The following CECR2 variants were observed in gnomAD, a reference collection of about 807,000 sequenced individuals.
The protein encoded by CECR2 is CECR2 histone acetyl-lysine reader.
A neutral mutation model predicts 154.5 loss-of-function variants in CECR2; 30 were observed. That is an observed-to-expected ratio of 0.19 (90% CI 0.15 to 0.26). CECR2 has a LOEUF of 0.26. Ranked by LOEUF, CECR2 falls within the 10% of genes least tolerant of loss-of-function variation. The probability of loss-of-function intolerance (pLI) is 1.00; values close to 1 mark genes in which losing one functional copy is unlikely to be tolerated. For missense variants in CECR2, 1,743 were observed against 1,829.3 expected, an observed-to-expected ratio of 0.95 and a Z score of 0.86; for synonymous variants, 725 against 683.7, an observed-to-expected ratio of 1.06 and a Z score of -0.94.
intron 1 of CECR2, among the ~76,000 whole-genome samples, chr22:17,462,828 C>G (rs984933616): frequency 3.9e-5 from 6 of 152,124 alleles, no homozygotes; most frequent in African/African-American, 1.4e-4. Context: ...CAGAGAATTG[C>G]TTGAACCTGG....
At chr22:17,427,098 A>C (rs1349455638) in intron 1 of CECR2, among the ~76,000 whole-genome samples, 2 of 151,628 alleles carry the variant, frequency 1.3e-5, no homozygotes, top group Non-Finnish European at 2.9e-5. Flanking sequence ...CCTAAGAGTG[A>C]GAATATGCAG....
At chr22:17,381,976 C>T (rs1320369140) in intron 1 of CECR2, among the ~76,000 whole-genome samples, 1 of 151,968 alleles carries the variant, frequency 6.6e-6, no homozygotes, top group South Asian at 2.1e-4. Flanking sequence ...CGAGCTCCGC[C>T]TCCTGGGTTC....
chr22:17,378,190 A>G lies in CECR2; in HGVS notation c.126+8281A>G, dbSNP rs548865983. Among the ~76,000 whole-genome samples, 7 of 151,108 alleles carry G rather than the reference A, an allele frequency of 4.6e-5. No individual in the cohort carries two copies. The East Asian group carries it at 9.7e-4, about 21-fold the overall frequency. On this transcript the variant is annotated intron_variant, in intron 1 of 18. Coordinates refer to ENST00000262608, the MANE Select transcript of CECR2 (RefSeq NM_001290047.2). ...AGTAGAGACGGGGTTTCACCGTGTTAGCCAGGATGGTCTGGATCTCCTAAC... is the reference window on the plus strand; with the variant it reads ...AGTAGAGACGGGGTTTCACCGTGTTGGCCAGGATGGTCTGGATCTCCTAAC...
At position 17,508,275 on chromosome 22, in the gene CECR2, T is replaced by C. The variant is rs1305905947; in HGVS notation, c.870+3259T>C. 5.3e-5 allele frequency among the ~76,000 whole-genome samples: 8 copies of C among 152,076 alleles called. No individual in the cohort carries two copies. The South Asian group carries it at 1.0e-3, about 20-fold the overall frequency. ...ATTGTGTTTACAAGGTCTACAGCAG[T>C]GTACTGTAATGTCCTAACCTTCACA... On this transcript the variant is annotated intron_variant, in intron 7 of 18. Transcript: ENST00000262608.
Position 17,550,411 on chromosome 22 carries a change from T to TA in CECR2, c.4277+864dup, listed in dbSNP as rs66840782. 451 of 135,116 alleles carry TA rather than the reference T, an allele frequency of 3.3e-3. 2 individuals carry two copies. Among genetic ancestry groups the TA allele is most frequent in the African/African-American group, 5.6e-3 (207 of 36,996 alleles). The allele number at this position is 135,116 out of a possible 1,614,324, so 8.4% of individuals were successfully genotyped here. Reference sequence around the variant, plus strand: ...CCATGTGGAGACACTCTGACCAAGGTAAAAAAAAAAAAAAAAATAGGCCTA... The same window carrying TA: ...CCATGTGGAGACACTCTGACCAAGGTAAAAAAAAAAAAAAAAAATAGGCCTA... On this transcript the variant is annotated intron_variant, in intron 17 of 18. Coordinates refer to ENST00000262608, the MANE Select transcript of CECR2 (RefSeq NM_001290047.2).
chr22:17,504,793 A>G, intron 6 of CECR2, 54 bp from the exon 7 acceptor site: 3 of 1,498,454 alleles, frequency 2.0e-6, no homozygotes, highest in South Asian at 1.2e-5. Context: ...GAGAATAAAT[A>G]AGGAAAGGTC....
intron 1 of CECR2, among the ~76,000 whole-genome samples, chr22:17,403,857 CTG>C (rs2053933507): frequency 6.6e-6 from 1 of 152,062 alleles, no homozygotes; most frequent in South Asian, 2.1e-4. Context: ...CCATTTAAGT[CTG>C]TGCTTCATTT....
At chr22:17,464,179 G>C (rs1402044129) in intron 1 of CECR2, among the ~76,000 whole-genome samples, 2 of 152,304 alleles carry the variant, frequency 1.3e-5, no homozygotes, top group South Asian at 4.1e-4. Context: ...TCATTTTAAT[G>C]AAGTTTCACT....
At chr22:17,543,131 T>C in intron 16 of CECR2, 128 bp downstream of exon 16, 1 of 1,150,618 alleles carries the variant, frequency 8.7e-7, no homozygotes, top group South Asian at 1.7e-5. Flanking sequence ...TGGTTTTGTT[T>C]TGTTCTGTTT....
intron 1 of CECR2, among the ~76,000 whole-genome samples, chr22:17,468,267 G>C (rs2055066945): frequency 1.3e-5 from 2 of 152,182 alleles, no homozygotes; most frequent in African/African-American, 4.8e-5. Context: ...GGGGATACTA[G>C]GGAATAAAAG....
At chr22:17,366,223 T>G (rs2063001177), upstream of CECR2, among the ~76,000 whole-genome samples, 1 of 152,130 alleles carries the variant, frequency 6.6e-6, no homozygotes, top group African/African-American at 2.4e-5. Flanking sequence ...TGAGTCTCAC[T>G]CTGTCGCTAG....
chr22:17,494,632 A>C (rs174289), intron 2 of CECR2, among the ~76,000 whole-genome samples: 79,112 of 152,128 alleles, frequency 0.52, 20,791 homozygotes, highest in Middle Eastern at 0.68. Context: ...TGTTTTCCCC[A>C]GTGAGATAGT....
At chr22:17,378,388 C>T (rs2063145910) in intron 1 of CECR2, among the ~76,000 whole-genome samples, 1 of 150,894 alleles carries the variant, frequency 6.6e-6, no homozygotes, top group Non-Finnish European at 1.5e-5. Context: ...CCTCTGCCTC[C>T]CGGGTTCACA....
At chr22:17,478,315 A>G (rs5747196) in intron 2 of CECR2, among the ~76,000 whole-genome samples, 11,336 of 148,632 alleles carry the variant, frequency 0.076, 571 homozygotes, top group South Asian at 0.23. Context: ...TTGAGTTGTT[A>G]TGGTTTGCCT....
chr22:17,513,192 A>C (rs892663943), intron 8 of CECR2, among the ~76,000 whole-genome samples: 1 of 152,198 alleles, frequency 6.6e-6, no homozygotes, highest in African/African-American at 2.4e-5. Flanking sequence ...CTCTGAAAAA[A>C]AATAGTTAAA....
chr22:17,511,038 G>A (rs2055940733), intron 7 of CECR2, among the ~76,000 whole-genome samples: 1 of 152,150 alleles, frequency 6.6e-6, no homozygotes, highest in African/African-American at 2.4e-5. Flanking sequence ...GGATTAAGTG[G>A]TGCCAGAACT....
chr22:17,374,771 T>C lies in CECR2; in HGVS notation c.126+4862T>C, dbSNP rs554672155. On this transcript the variant is annotated intron_variant, in intron 1 of 18. Coordinates refer to ENST00000262608, the MANE Select transcript of CECR2 (RefSeq NM_001290047.2). The stretch of plus-strand genomic sequence containing the variant: ...GTACATTTTCAAAATGTTATCCCAT[T>C]TTCTCCTTAGCCGGCCTTAACCATC... Among the ~76,000 whole-genome samples the C allele has an allele frequency of 2.6e-5, 4 of 152,286 alleles. No homozygotes were observed. The East Asian group carries it at 7.7e-4, about 29-fold the overall frequency.
chr22:17,404,784 C>G (rs962464624), intron 1 of CECR2, among the ~76,000 whole-genome samples: 3 of 152,190 alleles, frequency 2.0e-5, no homozygotes, highest in Non-Finnish European at 4.4e-5. Flanking sequence ...TGTTAGTCCT[C>G]TCACTTTGTT....
At chr22:17,517,425 C>T (rs753461194) in intron 8 of CECR2, among the ~76,000 whole-genome samples, 5 of 152,118 alleles carry the variant, frequency 3.3e-5, no homozygotes, top group Non-Finnish European at 5.9e-5. Context: ...AGTGTGAGAA[C>T]GGAGGAATAC....
Sources: allele counts gnomAD v4.1 joint callset (sites outside exome capture counted in the v4.1 genomes callset), GRCh38; gene constraint gnomAD v4.1.1; transcripts MANE v1.5; gene names NCBI Gene and HGNC (gene_info 2026-07-23, HGNC 2026-07-21).